Variants in ANKAR observed in about 807,000 individuals in gnomAD.
ANKAR encodes the protein ankyrin and armadillo repeat-containing protein.
Under a neutral mutation model 146.2 loss-of-function variants are expected in ANKAR, and 136 were observed. That is an observed-to-expected ratio of 0.93 (90% CI 0.81 to 1.07). The LOEUF is 1.07. Ranked by LOEUF, ANKAR falls within the 50% of genes least tolerant of loss-of-function variation. The probability of loss-of-function intolerance (pLI) is 0.00; values close to 1 mark genes in which losing one functional copy is unlikely to be tolerated. For synonymous variants in ANKAR, 500 were observed against 575.8 expected, an observed-to-expected ratio of 0.87 and a Z score of 1.88; for missense variants, 1,567 against 1,679.9, an observed-to-expected ratio of 0.93 and a Z score of 1.18.
intron 17 of ANKAR, 120 bp downstream of exon 17, chr2:189,733,349 A>C: frequency 2.3e-6 from 2 of 872,676 alleles, no homozygotes; most frequent in Non-Finnish European, 3.3e-6. Context: ...AAAGACATGT[A>C]AAAGATCTCT....
chr2:189,688,736 T>C (rs189551210), intron 2 of ANKAR, among the ~76,000 whole-genome samples: 1 of 152,238 alleles, frequency 6.6e-6, no homozygotes, highest in East Asian at 1.9e-4. Context: ...ACATGCACGT[T>C]ACATATGATC....
chr2:189,720,565 A>C, intron 11 of ANKAR, 54 bp from the exon 12 acceptor site: 1 of 1,232,030 alleles, frequency 8.1e-7, no homozygotes, highest in East Asian at 2.9e-5. Flanking sequence ...TTCTAAATAA[A>C]GATTACATTT....
intron 6 of ANKAR, among the ~76,000 whole-genome samples, chr2:189,695,414 T>C (rs149522138): frequency 6.6e-6 from 1 of 152,372 alleles, no homozygotes; most frequent in Non-Finnish European, 1.5e-5. Flanking sequence ...TTTTGTATGT[T>C]AGGCAATATT....
intron 2 of ANKAR, among the ~76,000 whole-genome samples, chr2:189,678,889 T>A (rs1370295061): frequency 6.6e-6 from 1 of 152,206 alleles, no homozygotes; most frequent in African/African-American, 2.4e-5. Flanking sequence ...TTTTGCTTAG[T>A]CTTGCTTTAG....
Position 189,741,404 on chromosome 2 carries a change from G to A in ANKAR, c.3763G>A (p.Gly1255Arg), listed in dbSNP as rs773192399. The A allele has an allele frequency of 3.1e-6, 5 of 1,611,322 alleles. No homozygotes were observed. The African/African-American group carries it at 4.0e-5, about 13-fold the overall frequency. Reference sequence around the variant, plus strand: ...TATCCCAGAAGCATTTACCACATTAGGAACAATCCAACGGCTCTGCTATCA... The same window carrying A: ...TATCCCAGAAGCATTTACCACATTAAGAACAATCCAACGGCTCTGCTATCA... ...AGIPEAFTTL[G>R]TIQRLCYHLY... Residue 1255 changes from glycine to arginine, a missense_variant, in exon 20 of 23, where the codon GGA (glycine) becomes AGA (arginine). Physicochemically the swap from Gly to Arg is moderately radical, Grantham distance 125 (BLOSUM62 -2). Transcript: ENST00000684021.
Position 189,730,511 on chromosome 2 carries a change from C to T in ANKAR, c.3210C>T (p.Ser1070=). The change falls in exon 16 of 23, where the codon AGC becomes AGT. Residue 1070 remains serine, a synonymous_variant. Transcript: ENST00000684021. ...CTCTTACAGGTGTAGCCCATACAAG[C>T]AATCCTGTCAGTCAACAATTGGTTG... The part of the protein sequence containing the change: ...GSICIGVAHT[S]NPVSQQLVVD... 1 of 1,600,688 alleles carries T rather than the reference C, an allele frequency of 6.2e-7. No homozygotes were observed. Among genetic ancestry groups the T allele is most frequent in the Non-Finnish European group, 8.5e-7 (1 of 1,172,406 alleles).
rs1426464352 is a variant in ANKAR, at chr2:189,693,153, C to T, written c.1283C>T (p.Pro428Leu). Reference sequence around the variant, plus strand: ...GGATATAAAGAATATTACTCAATACCAGTCATGGAATTTCATGGAAAAAGG... The same window carrying T: ...GGATATAAAGAATATTACTCAATACTAGTCATGGAATTTCATGGAAAAAGG... The part of the protein sequence containing the change: ...DSGYKEYYSI[P>L]VMEFHGKSYY... Residue 428 changes from proline to leucine, a missense_variant, in exon 5 of 23, where the codon CCA (proline) becomes CTA (leucine). Physicochemically the swap from Pro to Leu is moderately conservative, Grantham distance 98. Coordinates refer to ENST00000684021, the MANE Select transcript of ANKAR (RefSeq NM_001378068.1). 1 of 1,553,938 alleles carries T rather than the reference C, an allele frequency of 6.4e-7. No homozygotes were observed. Among genetic ancestry groups the T allele is most frequent in the African/African-American group, 1.4e-5 (1 of 71,972 alleles).
chr2:189,694,601 A>G (rs2036927051), intron 5 of ANKAR, among the ~76,000 whole-genome samples: 1 of 152,194 alleles, frequency 6.6e-6, no homozygotes, highest in South Asian at 2.1e-4. Context: ...GCATCATTCC[A>G]TATTACATTC....
chr2:189,755,699 A>ATGTT, intron 18 of ANKAR: 3 of 872,048 alleles, frequency 3.4e-6, no homozygotes, highest in Non-Finnish European at 5.0e-6. Flanking sequence ...TGTGCCTTCT[A>ATGTT]ACATAGCACA....
chr2:189,743,827 T>C (rs1164605156), intron 21 of ANKAR, among the ~76,000 whole-genome samples: 1 of 152,218 alleles, frequency 6.6e-6, no homozygotes, highest in Non-Finnish European at 1.5e-5. Context: ...GACCACCACC[T>C]GACCTTAGCA....
chr2:189,689,816 G>C lies in ANKAR; in HGVS notation c.891G>C (p.Lys297Asn). The change falls in exon 3 of 23, where the codon AAG becomes AAC. Residue 297 changes from lysine (K) to asparagine (N), a missense_variant. Coordinates refer to ENST00000684021, the MANE Select transcript of ANKAR (RefSeq NM_001378068.1). ...RLQQRLYLQK[K>N]IIQKHFEKKK... ...AGCAAAGATTATATCTTCAAAAAAAGATTATTCAAAAACACTTTGAGAAGA... is the reference window on the plus strand; with the variant it reads ...AGCAAAGATTATATCTTCAAAAAAACATTATTCAAAAACACTTTGAGAAGA... 6.2e-7 allele frequency: 1 copy of C among 1,605,094 alleles called. No individual in the cohort carries two copies.
At chr2:189,687,268 C>T (rs953083792) in intron 2 of ANKAR, among the ~76,000 whole-genome samples, 1 of 152,162 alleles carries the variant, frequency 6.6e-6, no homozygotes, top group African/African-American at 2.4e-5. Flanking sequence ...ATAATGTCCT[C>T]CAGTTTCATC....
intron 3 of ANKAR, 33 bp from the exon 4 acceptor site, chr2:189,692,222 T>C (rs2036530417): frequency 6.4e-7 from 1 of 1,568,174 alleles, no homozygotes; most frequent in East Asian, 2.3e-5. Context: ...TGCTGTTCAC[T>C]TTTTAAATAA....
intron 16 of ANKAR, among the ~76,000 whole-genome samples, chr2:189,732,159 T>C (rs980048611): frequency 6.6e-6 from 1 of 152,236 alleles, no homozygotes; most frequent in African/African-American, 2.4e-5. Context: ...TTTGCAATAA[T>C]TCAATAATCA....
intron 16 of ANKAR, among the ~76,000 whole-genome samples, chr2:189,732,386 G>A (rs1274297128): frequency 6.6e-6 from 1 of 152,110 alleles, no homozygotes; most frequent in Admixed American, 6.5e-5. Flanking sequence ...TGCAGGCCAG[G>A]TGCTTTGGCT....
chr2:189,704,581 A>ATG (rs1325755511), intron 7 of ANKAR, among the ~76,000 whole-genome samples: 2 of 116,368 alleles, frequency 1.7e-5, no homozygotes, highest in Non-Finnish European at 3.5e-5. Context: ...ATATATATAT[A>ATG]TATATATATA....
intron 2 of ANKAR, among the ~76,000 whole-genome samples, chr2:189,683,579 T>A (rs1178865346): frequency 6.6e-6 from 1 of 152,212 alleles, no homozygotes; most frequent in East Asian, 1.9e-4. Context: ...CTGCAGCCCT[T>A]TCTTCCAAGC....
At chr2:189,747,642 G>A (rs1290257991), downstream of ANKAR, among the ~76,000 whole-genome samples, 1 of 152,142 alleles carries the variant, frequency 6.6e-6, no homozygotes, top group Non-Finnish European at 1.5e-5. Flanking sequence ...GCTGCAGATA[G>A]ATATGATACA....
In ANKAR at chr2:189,695,010, C is replaced by G; in HGVS notation, c.1337C>G (p.Thr446Ser). Residue 446 changes from threonine to serine, a missense_variant, in exon 6 of 23, where the codon ACT (threonine) becomes AGT (serine). Thr to Ser is a moderately conservative substitution (Grantham distance 58). Coordinates refer to ENST00000684021, the MANE Select transcript of ANKAR (RefSeq NM_001378068.1). ...TATGTGATCTATTTTGAACTAGAAA[C>G]TTTCTATCAGCAACTATATAAGACA... ...SYYVIYFELE[T>S]FYQQLYKTQW... 1.9e-6 allele frequency: 3 copies of G among 1,550,992 alleles called. No individual in the cohort carries two copies. The highest frequency in any genetic ancestry group is 3.5e-4 in the Middle Eastern group (2 of 5,704).
Sources: gnomAD v4.1 joint callset for allele counts (sites outside exome capture counted in the v4.1 genomes callset) on GRCh38, gnomAD v4.1.1 for gene constraint, MANE v1.5 for transcripts, NCBI Gene and HGNC (gene_info 2026-07-23, HGNC 2026-07-21) for gene names.